The following CEP85L variants were observed in gnomAD, a reference collection of about 807,000 sequenced individuals.
CEP85L encodes the protein centrosomal protein 85L.
In CEP85L, 60 loss-of-function variants were observed where a neutral mutation model predicts 100.3. The observed-to-expected ratio is 0.60, with a 90% CI of 0.49 to 0.74. The LOEUF (loss-of-function observed/expected upper bound fraction) is 0.74. Among genes scored for constraint, CEP85L ranks in the 30% least tolerant of loss-of-function variants. CEP85L has a pLI of 0.00. For missense variants in CEP85L, 973 were observed against 936.2 expected (o/e 1.04, Z -0.51); for synonymous variants, 319 against 322.7 (o/e 0.99, Z 0.12).
At chr6:118,688,523 G>C (rs1419615930) in intron 1 of CEP85L, among the ~76,000 whole-genome samples, 1 of 152,182 alleles carries the variant, frequency 6.6e-6, no homozygotes, top group Non-Finnish European at 1.5e-5. Flanking sequence ...TAGAATTTCT[G>C]AGAAGTCAGT....
intron 3 of CEP85L, among the ~76,000 whole-genome samples, chr6:118,534,451 G>A (rs1447978946): frequency 2.0e-5 from 3 of 152,050 alleles, no homozygotes; most frequent in South Asian, 2.1e-4. Flanking sequence ...TAAGGAGTTC[G>A]AGACCAGCCT....
chr6:118,565,175 A>C (rs1416066327), intron 3 of CEP85L: 1 of 222,696 alleles, frequency 4.5e-6, no homozygotes, highest in Non-Finnish European at 8.9e-6. Flanking sequence ...AAAATCTAAG[A>C]CCTTGTATAG....
chr6:118,638,008 A>T (rs1157747811), intron 1 of CEP85L, among the ~76,000 whole-genome samples: 5 of 152,116 alleles, frequency 3.3e-5, no homozygotes, highest in Admixed American at 3.3e-4. Flanking sequence ...ACAAAACAAC[A>T]GTGTTCCTAG....
intron 2 of CEP85L, among the ~76,000 whole-genome samples, chr6:118,567,211 G>A (rs972113636): frequency 1.8e-4 from 11 of 62,618 alleles, no homozygotes; most frequent in Non-Finnish European, 2.2e-4. Context: ...ATATATGTAT[G>A]TGTGTGTGTG....
In CEP85L at chr6:118,600,298, GGGGTGTGTGTGTGTGTGTGT is replaced by G. The variant is rs1444987112; in HGVS notation, c.232+32135_232+32154del. On this transcript the variant is annotated intron_variant, in intron 2 of 12. Coordinates refer to ENST00000368491, the MANE Select transcript of CEP85L (RefSeq NM_001042475.3). ...TACTGCCTGTCCCTGAGCCTTCCTG[GGGGTGTGTGTGTGTGTGTGT>G]GTGTGTGTGTGTGTGTGTGTGTGTG... Among the ~76,000 whole-genome samples the G allele has an allele frequency of 5.2e-4, 31 of 59,198 alleles. 3 individuals are homozygous for G. Among genetic ancestry groups the G allele is most frequent in the Admixed American group, 1.4e-3 (9 of 6,530 alleles). 38.8% of individuals were successfully genotyped at this position (59,198 alleles called of 152,430 possible).
chr6:118,492,938 A>G (rs937054961), intron 5 of CEP85L, among the ~76,000 whole-genome samples: 2 of 152,190 alleles, frequency 1.3e-5, no homozygotes, highest in African/African-American at 2.4e-5. Flanking sequence ...AATAGCATTT[A>G]TCATGTCCAG....
At chr6:118,671,734 T>C (rs1025896936) in intron 1 of CEP85L, among the ~76,000 whole-genome samples, 2 of 152,116 alleles carry the variant, frequency 1.3e-5, no homozygotes, top group African/African-American at 4.8e-5. Context: ...GGTCAGGAGT[T>C]CGACACCAGC....
At chr6:118,547,062 T>A (rs1439915070) in intron 3 of CEP85L, among the ~76,000 whole-genome samples, 2 of 152,124 alleles carry the variant, frequency 1.3e-5, no homozygotes. Context: ...ACATTTTAGT[T>A]ACCCATAAGA....
chr6:118,490,964 T>C (rs771481691), intron 6 of CEP85L, among the ~76,000 whole-genome samples: 1 of 152,088 alleles, frequency 6.6e-6, no homozygotes, highest in African/African-American at 2.4e-5. Context: ...ATTTTTGCAA[T>C]TGCAAATTGT....
intron 2 of CEP85L, among the ~76,000 whole-genome samples, chr6:118,578,179 A>T (rs1780352866): frequency 6.6e-6 from 1 of 152,118 alleles, no homozygotes; most frequent in South Asian, 2.1e-4. Context: ...TCCTCAGCTT[A>T]ATCTGTAACT....
chr6:118,599,243 C>T (rs1248822848), intron 2 of CEP85L, among the ~76,000 whole-genome samples: 1 of 152,108 alleles, frequency 6.6e-6, no homozygotes, highest in Non-Finnish European at 1.5e-5. Context: ...CTAAGATGAA[C>T]ATGGAGCATT....
At chr6:118,622,186 A>T (rs9489475) in intron 2 of CEP85L, among the ~76,000 whole-genome samples, 4,443 of 152,322 alleles carry the variant, frequency 0.029, 193 homozygotes, top group African/African-American at 0.091. Context: ...TCAAAATAAT[A>T]CAAGGAAAGG....
intron 1 of CEP85L, among the ~76,000 whole-genome samples, chr6:118,691,533 C>CAAAAAA (rs372306868): frequency 1.1e-5 from 1 of 88,678 alleles, no homozygotes; most frequent in African/African-American, 4.6e-5. Flanking sequence ...AACTCCATCT[C>CAAAAAA]AAAAAAAAAA....
chr6:118,704,747 A>T (rs1486728229), intron 1 of CEP85L, among the ~76,000 whole-genome samples: 2 of 152,178 alleles, frequency 1.3e-5, no homozygotes, highest in Admixed American at 6.5e-5. Flanking sequence ...CTGGGATTAC[A>T]GGCTTGAGCC....
chr6:118,634,025 T>C (rs1185869546), intron 1 of CEP85L, among the ~76,000 whole-genome samples: 1 of 152,238 alleles, frequency 6.6e-6, no homozygotes, highest in African/African-American at 2.4e-5. Flanking sequence ...CTTAAAAAGA[T>C]TTATCACATA....
chr6:118,479,972 A>G, intron 9 of CEP85L, 51 bp from the exon 10 acceptor site: 1 of 917,464 alleles, frequency 1.1e-6, no homozygotes, highest in East Asian at 2.8e-5. Flanking sequence ...ATCGCTTCTT[A>G]AAAGTACCAA....
chr6:118,498,394 C>A (rs537119526), intron 5 of CEP85L, among the ~76,000 whole-genome samples: 2 of 151,974 alleles, frequency 1.3e-5, no homozygotes, highest in African/African-American at 4.8e-5. Context: ...ACAAAAAAAT[C>A]TACAGCTAAG....
intron 2 of CEP85L, among the ~76,000 whole-genome samples, chr6:118,578,289 A>C (rs1780359771): frequency 6.6e-6 from 1 of 152,186 alleles, no homozygotes; most frequent in African/African-American, 2.4e-5. Context: ...TTAGCAACAG[A>C]CAGTCTCTCC....
rs1262868325 is a variant in CEP85L, at chr6:118,480,463, A to G, written c.1796T>C (p.Met599Thr). ...RCLEDGIRLPMLDAKQLQNEN... is the reference protein window; with the variant it reads ...RCLEDGIRLPTLDAKQLQNEN... ...ATTCTGAAGCTGTTTTGCATCTAAC[A>G]TGGGAAGGCGGATTCCATCTTCAAG... Residue 599 changes from methionine (M) to threonine (T), a missense_variant, in exon 9 of 13, where the codon ATG becomes ACG. By Grantham distance (81) the Met-to-Thr change is moderately conservative. Around this residue, in one of 3 missense-constraint regions of CEP85L, gnomAD observed 890 missense variants for 844.5 expected, o/e 1.05. Transcript: ENST00000368491. The G allele has an allele frequency of 3.7e-6, 6 of 1,611,962 alleles. No individual in the cohort carries two copies. In the African/African-American group the frequency reaches 6.7e-5, roughly 18 times the overall value.
Sources: gnomAD v4.1 joint callset for allele counts (sites outside exome capture counted in the v4.1 genomes callset) on GRCh38, gnomAD v4.1.1 for gene constraint, gnomAD v4.1.1 regional missense constraint, MANE v1.5 for transcripts, NCBI Gene and HGNC (gene_info 2026-07-23, HGNC 2026-07-21) for gene names.